WDFY4: variants seen among roughly 807,000 people sequenced by gnomAD.
WDFY4 encodes WD repeat- and FYVE domain-containing protein 4.
In WDFY4, 169 loss-of-function variants were observed where a neutral mutation model predicts 351.9. That is an observed-to-expected ratio of 0.48 (90% CI 0.42 to 0.55). The LOEUF (loss-of-function observed/expected upper bound fraction) is 0.55, where lower values mean the gene tolerates loss of function less well. Among genes scored for constraint, WDFY4 ranks in the 20% least tolerant of loss-of-function variants. The pLI is 0.00. For missense variants in WDFY4, 3,803 were observed against 3,935.6 expected, an observed-to-expected ratio of 0.97 and a Z score of 0.90; for synonymous variants, 1,622 against 1,574.6, an observed-to-expected ratio of 1.03 and a Z score of -0.71.
At chr10:48,974,208 C>T (rs560695896) in intron 57 of WDFY4, among the ~76,000 whole-genome samples, 7 of 152,050 alleles carry the variant, frequency 4.6e-5, no homozygotes, top group Admixed American at 2.0e-4. Context: ...GTATGTTAAT[C>T]GTAACATGAA....
intron 1 of WDFY4, among the ~76,000 whole-genome samples, chr10:48,687,852 G>A (rs1177779761): frequency 6.6e-6 from 1 of 150,574 alleles, no homozygotes; most frequent in East Asian, 2.0e-4. Context: ...TGCGATCTCA[G>A]CTCACTGCAA....
At chr10:48,729,060 C>G (rs12247747) in intron 7 of WDFY4, among the ~76,000 whole-genome samples, 1,807 of 152,284 alleles carry the variant, frequency 0.012, 41 homozygotes, top group African/African-American at 0.04. Context: ...CAAGGAAGTC[C>G]GACTATTTCC....
At chr10:48,724,987 C>T (rs2064217664) in intron 5 of WDFY4, among the ~76,000 whole-genome samples, 1 of 152,108 alleles carries the variant, frequency 6.6e-6, no homozygotes, top group Non-Finnish European at 1.5e-5. Context: ...GAGGGCATGG[C>T]ATTTAACCAG....
Position 48,811,524 on chromosome 10 carries a change from T to G in WDFY4, c.5045-15T>G, listed in dbSNP as rs958020258. ...TTCTCAGCTGACTTTTGTGCCCCCTTTGCCTGATCAATAGACAACCTGAAG... is the reference window on the plus strand; with the variant it reads ...TTCTCAGCTGACTTTTGTGCCCCCTGTGCCTGATCAATAGACAACCTGAAG... On this transcript the variant is annotated splice_polypyrimidine_tract_variant and intron_variant, in intron 29 of 61. Transcript: ENST00000325239. 6.4e-7 allele frequency: 1 copy of G among 1,551,772 alleles called. No homozygotes were observed. The highest frequency in any genetic ancestry group is 1.4e-5 in the African/African-American group (1 of 73,040).
intron 47 of WDFY4, among the ~76,000 whole-genome samples, chr10:48,930,029 C>T (rs538031988): frequency 6.6e-6 from 1 of 152,246 alleles, no homozygotes; most frequent in East Asian, 1.9e-4. Context: ...TTCTCCTCCC[C>T]CACCTACCCC....
intron 21 of WDFY4, among the ~76,000 whole-genome samples, chr10:48,788,934 A>G (rs190272942): frequency 5.9e-4 from 90 of 152,372 alleles, no homozygotes; most frequent in African/African-American, 2.0e-3. Flanking sequence ...ACATATTTTA[A>G]ATACCTTTGC....
chr10:48,963,765 C>A, intron 53 of WDFY4, 77 bp from the exon 54 acceptor site: 2 of 1,404,444 alleles, frequency 1.4e-6, no homozygotes, highest in African/African-American at 1.4e-5. Context: ...GAAGCATGTG[C>A]CCCTTCCAAT....
intron 53 of WDFY4, among the ~76,000 whole-genome samples, chr10:48,961,385 C>T (rs944163292): frequency 2.6e-5 from 4 of 152,168 alleles, no homozygotes; most frequent in Admixed American, 1.3e-4. Flanking sequence ...TAGCCAAAAA[C>T]AGGTGGGTGC....
chr10:48,889,724 T>C (rs1352293447), intron 43 of WDFY4, among the ~76,000 whole-genome samples: 1 of 152,168 alleles, frequency 6.6e-6, no homozygotes, highest in African/African-American at 2.4e-5. Context: ...TTGTCATGGG[T>C]CAGGTTCTGC....
chr10:48,832,060 A>G (rs1365549768), intron 38 of WDFY4, among the ~76,000 whole-genome samples: 2 of 152,246 alleles, frequency 1.3e-5, no homozygotes, highest in Non-Finnish European at 2.9e-5. Context: ...TAAAGTCAAA[A>G]TGTCAGATTC....
At chr10:48,978,496 C>G in intron 60 of WDFY4, 103 bp downstream of exon 60, 2 of 1,166,968 alleles carry the variant, frequency 1.7e-6, no homozygotes, top group Non-Finnish European at 2.3e-6. Context: ...CCCAGGTCTG[C>G]CCAGCCTAGG....
chr10:48,892,309 T>C (rs1836851214), intron 44 of WDFY4, among the ~76,000 whole-genome samples: 1 of 152,256 alleles, frequency 6.6e-6, no homozygotes, highest in African/African-American at 2.4e-5. Flanking sequence ...ATTCACTATA[T>C]CTGCACTTTT....
At chr10:48,794,125 T>C (rs566428456) in intron 23 of WDFY4, among the ~76,000 whole-genome samples, 4 of 152,028 alleles carry the variant, frequency 2.6e-5, no homozygotes, top group Admixed American at 1.3e-4. Flanking sequence ...GTGGGGAACG[T>C]AGGTTCTGCC....
Position 48,731,391 on chromosome 10 carries a change from C to T in WDFY4, c.1411C>T (p.Gln471Ter). 1 of 1,551,766 alleles carries T rather than the reference C, an allele frequency of 6.4e-7. No individual in the cohort carries two copies. The highest frequency in any genetic ancestry group is 8.7e-7 in the Non-Finnish European group (1 of 1,147,018). The change falls in exon 9 of 62, where the codon CAG (glutamine) becomes TAG (stop). Residue 471 changes from glutamine to a stop codon, truncating the protein, a stop_gained. Coordinates refer to ENST00000325239, the MANE Select transcript of WDFY4 (RefSeq NM_001394531.1). LOFTEE classifies it high-confidence loss of function. ...YVPHEILRKV[Q>*]HLIKESPGPS... is the part of the protein sequence containing the mutation. Reference sequence around the variant, plus strand: ...GCCTCATGAGATCCTGCGAAAGGTACAGCATCTGATCAAGGAGAGCCCTGG... The same window carrying T: ...GCCTCATGAGATCCTGCGAAAGGTATAGCATCTGATCAAGGAGAGCCCTGG...
chr10:48,898,298 G>A (rs377403952), intron 45 of WDFY4, among the ~76,000 whole-genome samples: 7 of 152,304 alleles, frequency 4.6e-5, no homozygotes, highest in East Asian at 1.9e-4. Context: ...GGCCCCCAGT[G>A]ACATCAAACA....
chr10:48,977,682 C>T (rs1414311443), intron 59 of WDFY4, among the ~76,000 whole-genome samples: 3 of 152,216 alleles, frequency 2.0e-5, no homozygotes, highest in Non-Finnish European at 2.9e-5. Flanking sequence ...CCCCCCAAAG[C>T]GTAAGTGAGG....
intron 9 of WDFY4, among the ~76,000 whole-genome samples, chr10:48,733,132 C>G (rs998074222): frequency 6.6e-6 from 1 of 152,194 alleles, no homozygotes; most frequent in African/African-American, 2.4e-5. Flanking sequence ...TTTCAGCAGC[C>G]TAACATTGAA....
chr10:48,770,121 A>T (rs958171720), intron 13 of WDFY4, among the ~76,000 whole-genome samples: 1 of 152,268 alleles, frequency 6.6e-6, no homozygotes. Context: ...CATTTTATTC[A>T]AAACAAGGCA....
At chr10:48,826,465 C>T (rs1170694577) in intron 35 of WDFY4, among the ~76,000 whole-genome samples, 1 of 151,976 alleles carries the variant, frequency 6.6e-6, no homozygotes, top group East Asian at 1.9e-4. Context: ...TTTTTTGGCT[C>T]CATATGAATT....
Sources: gnomAD v4.1 joint callset for allele counts (sites outside exome capture counted in the v4.1 genomes callset) on GRCh38, gnomAD v4.1.1 for gene constraint, MANE v1.5 for transcripts, NCBI Gene and HGNC (gene_info 2026-07-23, HGNC 2026-07-21) for gene names.